IL1RAPL2: variants seen among roughly 807,000 people sequenced by gnomAD.
The protein encoded by IL1RAPL2 is X-linked interleukin-1 receptor accessory protein-like 2.
IL1RAPL2 carries 3 observed loss-of-function variants against 44.1 expected under a neutral mutation model. The observed-to-expected ratio is 0.07, with a 90% CI of 0.03 to 0.18. The LOEUF is 0.18. Among genes scored for constraint, IL1RAPL2 ranks in the 10% least tolerant of loss-of-function variants. The pLI is 1.00. For missense variants in IL1RAPL2, 391 were observed against 496.4 expected (o/e 0.79, Z 2.02); for synonymous variants, 181 against 178.8 (o/e 1.01, Z -0.10).
chrX:105,036,665 A>C (rs762761592), intron 2 of IL1RAPL2, among the ~76,000 whole-genome samples: 6 of 112,212 alleles, frequency 5.3e-5, no homozygotes, highest in Non-Finnish European at 1.1e-4. Flanking sequence ...AATGTCATGG[A>C]ATGCCTGAAA....
intron 2 of IL1RAPL2, among the ~76,000 whole-genome samples, chrX:104,794,120 G>A (rs1266071780): frequency 8.9e-6 from 1 of 112,026 alleles, no homozygotes; most frequent in Non-Finnish European, 1.9e-5. Context: ...ATTACCAAGT[G>A]TTTACTGCCC....
chrX:105,734,845 T>G (rs2038434441), intron 7 of IL1RAPL2, among the ~76,000 whole-genome samples: 1 of 111,510 alleles, frequency 9.0e-6, no homozygotes. Flanking sequence ...CTCACAAAAT[T>G]GTGGGGTCCC....
intron 5 of IL1RAPL2, among the ~76,000 whole-genome samples, chrX:105,402,445 G>T (rs895768785): frequency 1.8e-5 from 2 of 111,564 alleles, no homozygotes; most frequent in Admixed American, 1.9e-4. Context: ...TTGTAAGAAT[G>T]TATTATTATA....
chrX:105,160,876 A>G (rs2033317353), intron 2 of IL1RAPL2, among the ~76,000 whole-genome samples: 1 of 111,873 alleles, frequency 8.9e-6, no homozygotes, highest in Non-Finnish European at 1.9e-5. Context: ...GCTTCTGGTC[A>G]AGACATGAAA....
intron 6 of IL1RAPL2, among the ~76,000 whole-genome samples, chrX:105,516,553 G>A (rs2036515716): frequency 8.9e-6 from 1 of 111,781 alleles, no homozygotes; most frequent in South Asian, 3.7e-4. Flanking sequence ...TTTTCAGTTT[G>A]CATATATATT....
At chrX:105,197,145 T>A (rs2033679115) in intron 3 of IL1RAPL2, among the ~76,000 whole-genome samples, 1 of 111,073 alleles carries the variant, frequency 9.0e-6, no homozygotes, top group Admixed American at 9.6e-5. Flanking sequence ...GTAGGCAAGA[T>A]CTTCAGGATC....
At chrX:104,879,362 T>A (rs373730980) in intron 2 of IL1RAPL2, among the ~76,000 whole-genome samples, 1 of 15,621 alleles carries the variant, frequency 6.4e-5, no homozygotes. Context: ...CAAGCAAAAC[T>A]AGTAAAAAAA....
intron 2 of IL1RAPL2, among the ~76,000 whole-genome samples, chrX:105,084,668 G>A (rs190266321): frequency 8.9e-6 from 1 of 112,244 alleles, no homozygotes; most frequent in East Asian, 2.8e-4. Context: ...ATGAGACTTC[G>A]GACTGTGGAC....
rs763103578 is a variant in IL1RAPL2, at chrX:104,969,506, T to C, written c.83-225969T>C. 1.2e-4 allele frequency among the ~76,000 whole-genome samples: 13 copies of C among 111,784 alleles called. No homozygotes were observed. The South Asian group carries it at 4.8e-3, about 41-fold the overall frequency. ...CATAAAACATAAAGGAAAATATTAA[T>C]TCATTTTACTATAATAGAAGTAAAA... is the stretch of plus-strand genomic sequence containing the variant. On this transcript the variant is annotated intron_variant, in intron 2 of 10. Coordinates refer to ENST00000372582, the MANE Select transcript of IL1RAPL2 (RefSeq NM_017416.2).
At chrX:105,067,056 C>A (rs2032146294) in intron 2 of IL1RAPL2, among the ~76,000 whole-genome samples, 2 of 111,839 alleles carry the variant, frequency 1.8e-5, no homozygotes, top group African/African-American at 6.5e-5. Context: ...AAAAACTGCA[C>A]TTTGTTTTAA....
intron 2 of IL1RAPL2, among the ~76,000 whole-genome samples, chrX:104,997,277 T>A (rs2030765559): frequency 8.9e-6 from 1 of 112,050 alleles, no homozygotes. Flanking sequence ...GACTACATAT[T>A]GAAATGACAA....
chrX:105,466,525 A>G (rs749183003), intron 5 of IL1RAPL2, among the ~76,000 whole-genome samples: 1 of 111,583 alleles, frequency 9.0e-6, no homozygotes, highest in Non-Finnish European at 1.9e-5. Context: ...GATAGCTTTC[A>G]TTTGTATGCA....
At chrX:105,040,702 G>T (rs1404753567) in intron 2 of IL1RAPL2, among the ~76,000 whole-genome samples, 1 of 110,004 alleles carries the variant, frequency 9.1e-6, no homozygotes, top group Non-Finnish European at 1.9e-5. Context: ...ATGGTAGTTT[G>T]TATTTCTGTG....
At chrX:104,995,662 A>G (rs1365983996) in intron 2 of IL1RAPL2, among the ~76,000 whole-genome samples, 1 of 111,976 alleles carries the variant, frequency 8.9e-6, no homozygotes, top group Non-Finnish European at 1.9e-5. Flanking sequence ...GCAAAGTCAC[A>G]AGCTCCAATT....
intron 2 of IL1RAPL2, among the ~76,000 whole-genome samples, chrX:104,672,272 G>A (rs966275849): frequency 9.1e-6 from 1 of 110,269 alleles, no homozygotes; most frequent in Non-Finnish European, 1.9e-5. Flanking sequence ...ACAGTCCCCA[G>A]AGTGTGATAT....
chrX:104,801,066 T>C (rs768622395), intron 2 of IL1RAPL2, among the ~76,000 whole-genome samples: 1 of 112,897 alleles, frequency 8.9e-6, no homozygotes, highest in Non-Finnish European at 1.9e-5. Context: ...ACTATGCGAA[T>C]TCATTAGGAT....
chrX:104,688,671 C>T (rs776482651), intron 2 of IL1RAPL2, among the ~76,000 whole-genome samples: 7 of 111,851 alleles, frequency 6.3e-5, no homozygotes, highest in Non-Finnish European at 1.3e-4. Flanking sequence ...ATTTTCACCT[C>T]TCTTGTTTAA....
At chrX:104,680,864 C>A (rs1041580034) in intron 2 of IL1RAPL2, among the ~76,000 whole-genome samples, 1 of 111,971 alleles carries the variant, frequency 8.9e-6, no homozygotes, top group African/African-American at 3.2e-5. Context: ...GGAATCCATG[C>A]CCATTATTTT....
At chrX:105,082,212 A>T (rs185781577) in intron 2 of IL1RAPL2, among the ~76,000 whole-genome samples, 1 of 111,480 alleles carries the variant, frequency 9.0e-6, no homozygotes, top group African/African-American at 3.3e-5. Flanking sequence ...GGGAGGGTGT[A>T]TGTGTCCAGG....
Sources: allele counts gnomAD v4.1 joint callset (sites outside exome capture counted in the v4.1 genomes callset), GRCh38; gene constraint gnomAD v4.1.1; transcripts MANE v1.5; gene names NCBI Gene and HGNC (gene_info 2026-07-23, HGNC 2026-07-21).